Variants in ZNF821 observed in about 807,000 individuals in gnomAD.
The protein encoded by ZNF821 is zinc finger protein 821.
Under a neutral mutation model 44.3 loss-of-function variants are expected in ZNF821, and 16 were observed. That is an observed-to-expected ratio of 0.36 (90% CI 0.24 to 0.55). The LOEUF is 0.55. Among genes scored for constraint, ZNF821 ranks in the 20% least tolerant of loss-of-function variants. The pLI is 0.86. For missense variants in ZNF821, 436 were observed against 547.6 expected (o/e 0.80, Z 2.03); for synonymous variants, 204 against 197.6 (o/e 1.03, Z -0.27).
Position 71,894,636 on chromosome 16 carries a change from C to G in ZNF821, n.448+253G>C, listed in dbSNP as rs866689370. On this transcript the variant is annotated intron_variant and non_coding_transcript_variant, in intron 1 of 2. Coordinates refer to the ZNF821 transcript ENST00000561700. Reference sequence around the variant, plus strand: ...GACCTTCTGGGCTCAAGCGATCTTCCTGCCTCAGCCTCCCGAGTAGCTGAG... The same window carrying G: ...GACCTTCTGGGCTCAAGCGATCTTCGTGCCTCAGCCTCCCGAGTAGCTGAG... 5.7e-6 allele frequency: 3 copies of G among 524,328 alleles called. No homozygotes were observed. In the Middle Eastern group the frequency reaches 1.6e-3, roughly 281 times the overall value. 32.5% of individuals were successfully genotyped at this position (524,328 alleles called of 1,614,324 possible). A position where few individuals can be genotyped will look rare whatever the true frequency, so the allele number is the denominator to read the frequency against.
intron 1 of ZNF821, among the ~76,000 whole-genome samples, chr16:71,892,258 C>G (rs1271527919): frequency 1.5e-5 from 2 of 129,930 alleles, no homozygotes; most frequent in Non-Finnish European, 3.2e-5. Flanking sequence ...CTCAATGATA[C>G]TTTTAGCTTA....
At chr16:71,864,834 G>A (rs986021598) in intron 5 of ZNF821, 69 bp downstream of exon 5, 7 of 1,590,222 alleles carry the variant, frequency 4.4e-6, no homozygotes, top group African/African-American at 1.3e-5. Context: ...CCACAGGGGT[G>A]AGCAGCATCA....
intron 2 of ZNF821, among the ~76,000 whole-genome samples, chr16:71,881,011 T>C (rs1195779254): frequency 1.3e-5 from 2 of 152,212 alleles, no homozygotes. Context: ...GATAGCTGTG[T>C]CATTTTCTTA....
At chr16:71,882,794 C>G (rs1402886714) in intron 2 of ZNF821, among the ~76,000 whole-genome samples, 1 of 152,138 alleles carries the variant, frequency 6.6e-6, no homozygotes, top group African/African-American at 2.4e-5. Flanking sequence ...GACCACAAAG[C>G]AAGATCTCAG....
At chr16:71,861,025 T>C (rs1385117937) in intron 7 of ZNF821, among the ~76,000 whole-genome samples, 1 of 152,008 alleles carries the variant, frequency 6.6e-6, no homozygotes, top group African/African-American at 2.4e-5. Context: ...CCGGCTAATT[T>C]TTGTATTTTT....
chr16:71,865,366 A>G (rs1475242261), intron 4 of ZNF821, among the ~76,000 whole-genome samples: 1 of 152,144 alleles, frequency 6.6e-6, no homozygotes, highest in Non-Finnish European at 1.5e-5. Context: ...CACCTCCCCA[A>G]GCACCTTACA....
Position 71,883,941 on chromosome 16 carries a change from C to T in ZNF821, c.-174G>A, listed in dbSNP as rs1279798253. ...TCGGCGCTGCGCTGCGCTCTGGGTC[C>T]CTGGGCCCCGCCTCCGGACAGACGG... On this transcript the variant is annotated 5_prime_UTR_variant, in exon 1 of 8. Transcript: ENST00000425432. 4 of 152,224 alleles carry T rather than the reference C, an allele frequency of 2.6e-5. No individual in the cohort carries two copies. Among genetic ancestry groups the T allele is most frequent in the Admixed American group, 2.6e-4 (4 of 15,276 alleles). 9.4% of individuals were successfully genotyped at this position (152,224 alleles called of 1,614,324 possible). A position where few individuals can be genotyped will look rare whatever the true frequency, so the allele number is the denominator to read the frequency against.
intron 3 of ZNF821, among the ~76,000 whole-genome samples, chr16:71,870,384 A>C (rs886158927): frequency 5.1e-4 from 77 of 151,734 alleles, no homozygotes; most frequent in Admixed American, 4.8e-3. Flanking sequence ...AAAAAAAATG[A>C]ATTTGATGGG....
At chr16:71,864,851 G>A (rs2142364983) in intron 5 of ZNF821, 52 bp downstream of exon 5, 1 of 1,607,234 alleles carries the variant, frequency 6.2e-7, no homozygotes, top group Non-Finnish European at 8.5e-7. Flanking sequence ...ATCAGGGCAG[G>A]CAGAAGGGTA....
upstream of ZNF821, among the ~76,000 whole-genome samples, chr16:71,885,011 C>T (rs952731321): frequency 6.6e-6 from 1 of 152,134 alleles, no homozygotes; most frequent in Non-Finnish European, 1.5e-5. Context: ...GCGTGCACCA[C>T]CACGCCCAGC....
rs1473216898 is a variant in ZNF821, at chr16:71,873,921, G to A, written c.41-5884C>T. On this transcript the variant is annotated intron_variant, in intron 3 of 7. Transcript: ENST00000425432. ...TCCTGTCTCAGACTCCCAAAGTGCT[G>A]AGATTACAGGTGTGAGCGACCACGC... Among the ~76,000 whole-genome samples, 8 of 149,930 alleles carry A rather than the reference G, an allele frequency of 5.3e-5. No individual in the cohort carries two copies. The Admixed American group carries it at 5.4e-4, about 10-fold the overall frequency.
At chr16:71,889,058 A>G (rs1470883999), upstream of ZNF821, among the ~76,000 whole-genome samples, 1 of 152,140 alleles carries the variant, frequency 6.6e-6, no homozygotes, top group Non-Finnish European at 1.5e-5. Flanking sequence ...CAGTCTGGGC[A>G]ACATAGTGAG....
chr16:71,878,834 A>C (rs980255891), intron 3 of ZNF821, among the ~76,000 whole-genome samples: 13 of 151,796 alleles, frequency 8.6e-5, no homozygotes, highest in Non-Finnish European at 1.8e-4. Flanking sequence ...GGCAGGTTGC[A>C]GCAGGAGAAT....
intron 3 of ZNF821, among the ~76,000 whole-genome samples, chr16:71,876,693 G>A (rs760769279): frequency 3.9e-4 from 60 of 152,064 alleles, no homozygotes; most frequent in Non-Finnish European, 7.8e-4. Context: ...CTGCAGCCTC[G>A]ACCTTTTGGG....
chr16:71,884,277 G>A (rs1240062170), upstream of ZNF821: 2 of 151,986 alleles, frequency 1.3e-5, no homozygotes, highest in African/African-American at 4.8e-5. Flanking sequence ...GCCTGGCGTT[G>A]TGGGCGGGGC....
chr16:71,861,987 G>T (rs746664410), intron 6 of ZNF821, 45 bp from the exon 7 acceptor site: 21 of 1,600,554 alleles, frequency 1.3e-5, no homozygotes, highest in Admixed American at 1.7e-5. Context: ...CTACCTCCAG[G>T]ACAATCTGCA....
At position 71,868,019 on chromosome 16, in the gene ZNF821, C is replaced by T; in HGVS notation, c.59G>A (p.Gly20Glu). The T allele has an allele frequency of 2.6e-6, 4 of 1,535,480 alleles. No individual in the cohort carries two copies. Among genetic ancestry groups the T allele is most frequent in the Non-Finnish European group, 3.5e-6 (4 of 1,146,680 alleles). ...CGCCTGGCGGGCTTGCTCTTCTAGC[C>T]CAGCAAATACTTGATCCCCTGGTGG... ...NKVHWDQVFA[G>E]LEEQARQAMM... Residue 20 changes from glycine (G) to glutamate (E), a missense_variant, in exon 4 of 8, where the codon GGG becomes GAG. This residue lies in a region of ZNF821 where 238 missense variants were observed against 281.4 expected (regional missense o/e 0.85). Transcript: ENST00000425432.
rs1348858873 is a variant in ZNF821, at chr16:71,890,873, G to T, written n.448+4016C>A. 3.6e-5 allele frequency among the ~76,000 whole-genome samples: 5 copies of T among 140,594 alleles called. No individual in the cohort carries two copies. The South Asian group carries it at 1.2e-3, about 33-fold the overall frequency. The allele number at this position is 140,594 out of a possible 152,430, so 92.2% of individuals were successfully genotyped here. A position where few individuals can be genotyped will look rare whatever the true frequency, so the allele number is the denominator to read the frequency against. ...TGCAAGCTCCGCCTCCCAGGTTCAC[G>T]CCATTCTCCTGCCTCAGCCTCCCAA... On this transcript the variant is annotated intron_variant and non_coding_transcript_variant, in intron 1 of 2. Transcript: ENST00000561700.
upstream of ZNF821, among the ~76,000 whole-genome samples, chr16:71,884,374 C>G (rs917951572): frequency 6.6e-6 from 1 of 152,052 alleles, no homozygotes; most frequent in South Asian, 2.1e-4. Flanking sequence ...TTCCAGGGCT[C>G]CGGAACCCCC....
Sources: allele counts gnomAD v4.1 joint callset (sites outside exome capture counted in the v4.1 genomes callset), GRCh38; gene constraint gnomAD v4.1.1; regional missense constraint gnomAD v4.1.1; transcripts MANE v1.5; gene names NCBI Gene and HGNC (gene_info 2026-07-23, HGNC 2026-07-21).